Variants in EVI5 observed in about 807,000 individuals in gnomAD.
EVI5 encodes ecotropic viral integration site 5 protein homolog.
A neutral mutation model predicts 112.0 loss-of-function variants in EVI5; 73 were observed. The observed-to-expected ratio is 0.65, with a 90% CI of 0.54 to 0.79. The LOEUF (loss-of-function observed/expected upper bound fraction) is 0.79. Ranked by LOEUF, EVI5 falls within the 30% of genes least tolerant of loss-of-function variation. EVI5 has a pLI of 0.00. For missense variants in EVI5, 900 were observed against 968.8 expected (o/e 0.93, Z 0.94); for synonymous variants, 305 against 319.9 (o/e 0.95, Z 0.50).
intron 18 of EVI5, among the ~76,000 whole-genome samples, chr1:92,604,410 T>A (rs1649899764): frequency 6.6e-6 from 1 of 151,710 alleles, no homozygotes; most frequent in South Asian, 2.1e-4. Flanking sequence ...AGCTTAGGCC[T>A]ACACAGGGTC....
At chr1:92,580,154 T>C (rs6603993) in intron 18 of EVI5, among the ~76,000 whole-genome samples, 140,259 of 152,268 alleles carry the variant, frequency 0.92, 64,690 homozygotes, top group East Asian at 0.97. Context: ...GCATTTAAAA[T>C]TAATTTATAT....
At chr1:92,561,072 T>G (rs1370604760) in intron 19 of EVI5, among the ~76,000 whole-genome samples, 1 of 152,184 alleles carries the variant, frequency 6.6e-6, no homozygotes, top group Non-Finnish European at 1.5e-5. Flanking sequence ...ATAGACACTC[T>G]GAAATGTTTA....
chr1:92,664,796 T>C (rs1395561057), intron 11 of EVI5, among the ~76,000 whole-genome samples: 1 of 152,208 alleles, frequency 6.6e-6, no homozygotes, highest in East Asian at 1.9e-4. Flanking sequence ...TACTGCAAAA[T>C]ATCCATATTT....
At chr1:92,514,418 A>C (rs939813351) in intron 19 of EVI5, among the ~76,000 whole-genome samples, 2 of 152,168 alleles carry the variant, frequency 1.3e-5, no homozygotes, top group Admixed American at 6.5e-5. Context: ...AGTCTCCCAA[A>C]GTGTTGGGAT....
At chr1:92,711,358 CT>C (rs1672829415) in intron 2 of EVI5, among the ~76,000 whole-genome samples, 1 of 152,106 alleles carries the variant, frequency 6.6e-6, no homozygotes, top group South Asian at 2.1e-4. Flanking sequence ...TAATGTTTTC[CT>C]ATGGATACCA....
chr1:92,785,062 G>T lies in EVI5; in HGVS notation c.-308C>A, dbSNP rs1570972387. ...ACTGCAGCCAGCCCCTTGCCAGCTG[G>T]CCAGCTGGTTCCTCCGGGGTCCGGC... On this transcript the variant is annotated 5_prime_UTR_variant, in exon 1 of 20. Coordinates refer to ENST00000684568, the MANE Select transcript of EVI5 (RefSeq NM_001350197.2). 3 of 985,574 alleles carry T rather than the reference G, an allele frequency of 3.0e-6. No homozygotes were observed. Among genetic ancestry groups the T allele is most frequent in the East Asian group, 2.3e-4 (2 of 8,802 alleles). The allele number at this position is 985,574 out of a possible 1,614,324, so 61.1% of individuals were successfully genotyped here. A position where few individuals can be genotyped will look rare whatever the true frequency, so the allele number is the denominator to read the frequency against.
intron 19 of EVI5, among the ~76,000 whole-genome samples, chr1:92,527,910 T>C (rs1028010550): frequency 2.0e-5 from 3 of 152,232 alleles, no homozygotes; most frequent in Non-Finnish European, 4.4e-5. Context: ...ATCTATTATA[T>C]ATAATGCTGC....
chr1:92,612,234 T>G (rs1651993433), intron 16 of EVI5, among the ~76,000 whole-genome samples: 1 of 149,126 alleles, frequency 6.7e-6, no homozygotes, highest in Admixed American at 6.7e-5. Flanking sequence ...GTCAAACCAG[T>G]ACAGAGAAAG....
At chr1:92,655,452 G>C (rs1354918169) in intron 13 of EVI5, among the ~76,000 whole-genome samples, 1 of 152,016 alleles carries the variant, frequency 6.6e-6, no homozygotes, top group Non-Finnish European at 1.5e-5. Flanking sequence ...ATCACCATTA[G>C]ACCAGCCTTA....
intron 19 of EVI5, among the ~76,000 whole-genome samples, chr1:92,559,156 G>A (rs943537996): frequency 6.6e-6 from 1 of 152,120 alleles, no homozygotes; most frequent in East Asian, 1.9e-4. Context: ...AATATAAACT[G>A]TTATACTGTA....
At chr1:92,587,514 T>A (rs190045630) in intron 18 of EVI5, among the ~76,000 whole-genome samples, 1 of 151,984 alleles carries the variant, frequency 6.6e-6, no homozygotes, top group Admixed American at 6.6e-5. Context: ...AATTAAAAAA[T>A]ATAATATTTT....
rs1293869694 is a variant in EVI5 at position 92,513,763 on chromosome 1, T to C, written c.2374A>G (p.Ser792Gly). The C allele has an allele frequency of 6.2e-7, 1 of 1,613,632 alleles. No homozygotes were observed. Among genetic ancestry groups the C allele is most frequent in the Non-Finnish European group, 8.5e-7 (1 of 1,179,866 alleles). Reference sequence around the variant, plus strand: ...ACACTGTCTTCTGTTTCGCTCTCACTACCATCTGCCACTGCGGGGTCCAAA... The same window carrying C: ...ACACTGTCTTCTGTTTCGCTCTCACCACCATCTGCCACTGCGGGGTCCAAA... Reference protein sequence around the residue: ...MSLDPAVADGSESETEDSVLE... With the variant: ...MSLDPAVADGGESETEDSVLE... Residue 792 changes from serine to glycine, a missense_variant, in exon 20 of 20, where the codon AGT becomes GGT. By Grantham distance (56) the Ser-to-Gly change is moderately conservative (BLOSUM62 0). Coordinates refer to ENST00000684568, the MANE Select transcript of EVI5 (RefSeq NM_001350197.2).
chr1:92,736,329 T>C (rs1677423334), intron 2 of EVI5, 69 bp downstream of exon 2: 1 of 987,058 alleles, frequency 1.0e-6, no homozygotes, highest in Non-Finnish European at 1.5e-6. Flanking sequence ...AAAAAAATTC[T>C]AGTGTAAGTA....
At chr1:92,577,580 T>C (rs1425555509) in intron 18 of EVI5, among the ~76,000 whole-genome samples, 3 of 152,196 alleles carry the variant, frequency 2.0e-5, no homozygotes, top group African/African-American at 4.8e-5. Flanking sequence ...TCACTTTAAA[T>C]ACACAACAAA....
At chr1:92,617,047 T>A (rs964598750) in intron 16 of EVI5, among the ~76,000 whole-genome samples, 6 of 152,118 alleles carry the variant, frequency 3.9e-5, no homozygotes, top group South Asian at 2.1e-4. Flanking sequence ...TCATGGGGAG[T>A]TCCCTATGAT....
rs1025903647 is a variant in EVI5 at position 92,510,281 on chromosome 1, A to G, written c.*3375T>C. ...AAAGTCAAACTATAACCTTTACTCA[A>G]TAAAGCATACTCTTAAAGGTCTGTG... On this transcript the variant is annotated 3_prime_UTR_variant, in exon 20 of 20. Coordinates refer to ENST00000684568, the MANE Select transcript of EVI5 (RefSeq NM_001350197.2). 1.3e-5 allele frequency: 2 copies of G among 152,210 alleles called. No homozygotes were observed. The highest frequency in any genetic ancestry group is 4.8e-5 in the African/African-American group (2 of 41,454). The allele number at this position is 152,210 out of a possible 1,614,324, so 9.4% of individuals were successfully genotyped here. A position where few individuals can be genotyped will look rare whatever the true frequency, so the allele number is the denominator to read the frequency against.
intron 13 of EVI5, among the ~76,000 whole-genome samples, chr1:92,639,032 A>G (rs1174174917): frequency 1.3e-5 from 2 of 152,204 alleles, no homozygotes; most frequent in Admixed American, 1.3e-4. Flanking sequence ...GACAACTGCC[A>G]CAATTATGAT....
intron 9 of EVI5, among the ~76,000 whole-genome samples, chr1:92,687,456 G>A (rs1306411746): frequency 2.0e-5 from 3 of 152,110 alleles, no homozygotes; most frequent in East Asian, 3.9e-4. Context: ...AACCTAGGCA[G>A]TACCATTCAG....
rs1281582538 is a variant in EVI5, at chr1:92,512,844, C to T, written c.*812G>A. 1 of 151,586 alleles carries T rather than the reference C, an allele frequency of 6.6e-6. No homozygotes were observed. Among genetic ancestry groups the T allele is most frequent in the Non-Finnish European group, 1.5e-5 (1 of 67,904 alleles). 9.4% of individuals were successfully genotyped at this position (151,586 alleles called of 1,614,324 possible). ...ATAAAAATAGAAAAAAAAAACCTCC[C>T]AGACACAAACAGACAAGGTAGGCTG... On this transcript the variant is annotated 3_prime_UTR_variant, in exon 20 of 20. Coordinates refer to ENST00000684568, the MANE Select transcript of EVI5 (RefSeq NM_001350197.2).
Sources: gnomAD v4.1 joint callset for allele counts (sites outside exome capture counted in the v4.1 genomes callset) on GRCh38, gnomAD v4.1.1 for gene constraint, MANE v1.5 for transcripts, NCBI Gene and HGNC (gene_info 2026-07-23, HGNC 2026-07-21) for gene names.